CCM2: variants seen among roughly 807,000 people sequenced by gnomAD.
CCM2 encodes the protein CCM2 scaffold protein.
In CCM2, 25 loss-of-function variants were observed where a neutral mutation model predicts 44.9. The ratio of observed to expected loss-of-function variants is 0.56; its 90% confidence interval spans 0.41 to 0.78. CCM2 has a LOEUF of 0.78. CCM2 is among the 30% of genes least tolerant of loss of function. CCM2 has a pLI of 0.00. For synonymous variants in CCM2, 219 were observed against 241.1 expected (o/e 0.91, Z 0.85); for missense variants, 481 against 580.6 (o/e 0.83, Z 1.76).
intron 8 of CCM2, chr7:45,073,920 C>G (rs1799213723): frequency 1.9e-6 from 1 of 519,552 alleles, no homozygotes; most frequent in Admixed American, 3.3e-5. Context: ...AAACTCAAGT[C>G]TTCCTGATTT....
intron 4 of CCM2, among the ~76,000 whole-genome samples, chr7:45,067,459 G>T (rs866912951): frequency 6.6e-6 from 1 of 152,134 alleles, no homozygotes; most frequent in African/African-American, 2.4e-5. Flanking sequence ...CACTGCGCCT[G>T]GCCAATTATT....
chr7:45,015,901 C>G (rs148448202), intron 1 of CCM2, among the ~76,000 whole-genome samples: 2,424 of 152,302 alleles, frequency 0.016, 39 homozygotes, highest in Non-Finnish European at 0.026. Context: ...CCCCACCTCC[C>G]CATCCGAAAG....
chr7:45,049,163 C>T (rs1000460862), intron 2 of CCM2, among the ~76,000 whole-genome samples: 1 of 152,202 alleles, frequency 6.6e-6, no homozygotes, highest in African/African-American at 2.4e-5. Context: ...TGCCATGTTG[C>T]CCAGGCTGGT....
intron 8 of CCM2, chr7:45,073,994 C>T (rs1278699931): frequency 3.2e-5 from 20 of 625,940 alleles, no homozygotes; most frequent in Middle Eastern, 4.5e-4. Context: ...TGCCAACTTC[C>T]ACCCTGCCCT....
chr7:45,076,372 G>T lies in CCM2; in HGVS notation c.*315G>T. 1 of 537,864 alleles carries T rather than the reference G, an allele frequency of 1.9e-6. No individual in the cohort carries two copies. Among genetic ancestry groups the T allele is most frequent in the Non-Finnish European group, 3.5e-6 (1 of 288,652 alleles). The allele number at this position is 537,864 out of a possible 1,614,324, so 33.3% of individuals were successfully genotyped here. A position where few individuals can be genotyped will look rare whatever the true frequency, so the allele number is the denominator to read the frequency against. ...AGTCCTGTCGGCTGGGCCCTTGGAC[G>T]GCTGTCAGTTTTGCACATGATGTTC... On this transcript the variant is annotated 3_prime_UTR_variant, in exon 10 of 10. Transcript: ENST00000258781.
At chr7:45,027,800 A>G in intron 1 of CCM2, 3 of 1,614,182 alleles carry the variant, frequency 1.9e-6, no homozygotes, top group Non-Finnish European at 2.5e-6. Context: ...AGAATGAGGT[A>G]GGTGCAAGTC....
At chr7:45,012,325 G>A (rs113933961) in intron 1 of CCM2, among the ~76,000 whole-genome samples, 19,950 of 150,760 alleles carry the variant, frequency 0.13, 1,606 homozygotes, top group Admixed American at 0.2. Context: ...GTAGAGACGG[G>A]GTTTTGCCAT....
At chr7:45,012,516 G>A (rs1796105899) in intron 1 of CCM2, among the ~76,000 whole-genome samples, 1 of 152,014 alleles carries the variant, frequency 6.6e-6, no homozygotes, top group Non-Finnish European at 1.5e-5. Context: ...CCAATCTCTT[G>A]TCTGATATTA....
chr7:45,068,367 G>T, intron 4 of CCM2, 76 bp from the exon 5 acceptor site: 1 of 1,593,006 alleles, frequency 6.3e-7, no homozygotes, highest in Non-Finnish European at 8.6e-7. Context: ...TTTCCATGGC[G>T]GCCTCAGCTG....
chr7:45,011,897 A>G (rs564271260), intron 1 of CCM2, among the ~76,000 whole-genome samples: 1 of 151,926 alleles, frequency 6.6e-6, no homozygotes, highest in East Asian at 1.9e-4. Flanking sequence ...TCAGTATTTT[A>G]GTATGTTGTC....
intron 2 of CCM2, among the ~76,000 whole-genome samples, chr7:45,059,963 A>G (rs1057318277): frequency 6.6e-6 from 1 of 152,202 alleles, no homozygotes. Context: ...CCAATACACA[A>G]ATTTTATTTT....
intron 4 of CCM2, among the ~76,000 whole-genome samples, chr7:45,067,208 T>C (rs1798823322): frequency 6.8e-6 from 1 of 147,450 alleles, no homozygotes; most frequent in African/African-American, 2.5e-5. Context: ...TTTTTTTTTT[T>C]TTGAGACAAG....
rs551725665 is a variant in CCM2, at chr7:45,026,418, G to A, written c.31-11835G>A. On this transcript the variant is annotated intron_variant, in intron 1 of 9. Coordinates refer to ENST00000258781, the MANE Select transcript of CCM2 (RefSeq NM_031443.4). ...AAGCAATCAGTCTTTTTGGAATCAG[G>A]AAATATTAAACTTTATTTGTTACAG... Among the ~76,000 whole-genome samples, 3 of 152,148 alleles carry A rather than the reference G, an allele frequency of 2.0e-5. No homozygotes were observed. The South Asian group carries it at 6.2e-4, about 32-fold the overall frequency.
At chr7:45,015,069 C>T (rs778898906) in intron 1 of CCM2, among the ~76,000 whole-genome samples, 3 of 152,178 alleles carry the variant, frequency 2.0e-5, no homozygotes, top group Non-Finnish European at 4.4e-5. Flanking sequence ...TTGTTCTTTC[C>T]TGTCCCAGCC....
At chr7:45,043,073 A>C (rs1346634303) in intron 2 of CCM2, among the ~76,000 whole-genome samples, 1 of 151,686 alleles carries the variant, frequency 6.6e-6, no homozygotes, top group African/African-American at 2.4e-5. Flanking sequence ...TCCAAGCTCA[A>C]GCAGCCCTCC....
chr7:45,047,109 T>G (rs1442138572), intron 2 of CCM2, among the ~76,000 whole-genome samples: 1 of 152,154 alleles, frequency 6.6e-6, no homozygotes. Context: ...CCTCATTCAT[T>G]GCTGGTAGGG....
Position 45,008,641 on chromosome 7 carries a change from C to T in CCM2, c.30+8278C>T, listed in dbSNP as rs183955298. On this transcript the variant is annotated intron_variant, in intron 1 of 9. Coordinates refer to ENST00000258781, the MANE Select transcript of CCM2 (RefSeq NM_031443.4). ...CCTCCCAAAGTACTGGGATTACAGG[C>T]GTGAGCCACCGCACCCGGCCAAGGG... Among the ~76,000 whole-genome samples, 994 of 148,504 alleles carry T rather than the reference C, an allele frequency of 6.7e-3. 15 individuals carry two copies. Among genetic ancestry groups the T allele is most frequent in the African/African-American group, 0.023 (933 of 40,080 alleles).
intron 8 of CCM2, 162 bp from the exon 9 acceptor site, chr7:45,074,108 G>A: frequency 6.8e-7 from 1 of 1,468,982 alleles, no homozygotes; most frequent in South Asian, 1.3e-5. Flanking sequence ...GGTCTGGTAG[G>A]ATGGGGACAC....
At chr7:45,044,204 G>A (rs1562887781) in intron 2 of CCM2, among the ~76,000 whole-genome samples, 2 of 152,178 alleles carry the variant, frequency 1.3e-5, no homozygotes, top group African/African-American at 2.4e-5. Flanking sequence ...TGCAGGCTCC[G>A]CTCACTGCAA....
Sources: gnomAD v4.1 joint callset for allele counts (sites outside exome capture counted in the v4.1 genomes callset) on GRCh38, gnomAD v4.1.1 for gene constraint, MANE v1.5 for transcripts, NCBI Gene and HGNC (gene_info 2026-07-23, HGNC 2026-07-21) for gene names.